XDH: variants seen among roughly 807,000 people sequenced by gnomAD.
The protein encoded by XDH is xanthine dehydrogenase.
Under a neutral mutation model 156.1 loss-of-function variants are expected in XDH, and 138 were observed. The observed-to-expected ratio is 0.88, with a 90% CI of 0.77 to 1.02. XDH has a LOEUF of 1.02. XDH is among the 50% of genes least tolerant of loss of function. The pLI, the probability that XDH is intolerant of heterozygous loss-of-function variation, is 0.00. For synonymous variants in XDH, 669 were observed against 625.7 expected (o/e 1.07, Z -1.03); for missense variants, 1,849 against 1,684.9 (o/e 1.10, Z -1.71).
intron 9 of XDH, chr2:31,384,318 C>T (rs949425359): frequency 5.5e-6 from 1 of 180,912 alleles, no homozygotes; most frequent in Non-Finnish European, 1.2e-5. Flanking sequence ...AGTTTCTTGC[C>T]CAAATCACAC....
At chr2:31,368,115 T>C (rs1380756649) in intron 19 of XDH, 58 bp from the exon 20 acceptor site, 11 of 1,492,988 alleles carry the variant, frequency 7.4e-6, no homozygotes, top group Non-Finnish European at 9.3e-6. Context: ...GAAAGATAGG[T>C]TCTGATTAGG....
chr2:31,363,503 C>G (rs896539928), intron 24 of XDH, among the ~76,000 whole-genome samples: 4 of 152,156 alleles, frequency 2.6e-5, no homozygotes, highest in African/African-American at 9.7e-5. Context: ...AGACATCATT[C>G]TGGGGTGATG....
At chr2:31,360,358 C>T (rs947839738) in intron 24 of XDH, among the ~76,000 whole-genome samples, 4 of 151,956 alleles carry the variant, frequency 2.6e-5, no homozygotes, top group Non-Finnish European at 4.4e-5. Flanking sequence ...ATTAGCTGGG[C>T]GTGGTGGGGC....
chr2:31,406,747 C>T (rs1217413385), intron 1 of XDH, among the ~76,000 whole-genome samples: 1 of 152,232 alleles, frequency 6.6e-6, no homozygotes, highest in Non-Finnish European at 1.5e-5. Context: ...GAGAGCATGG[C>T]ATGCAGATCT....
At chr2:31,349,973 C>A (rs533618495) in intron 25 of XDH, 59 bp downstream of exon 25, 3 of 1,611,976 alleles carry the variant, frequency 1.9e-6, no homozygotes, top group Non-Finnish European at 1.7e-6. Flanking sequence ...GATACAAAGC[C>A]GCTGTCCCCC....
intron 30 of XDH, among the ~76,000 whole-genome samples, chr2:31,345,234 C>T (rs1425467239): frequency 6.6e-6 from 1 of 152,154 alleles, no homozygotes; most frequent in Non-Finnish European, 1.5e-5. Flanking sequence ...TCCTTTTCTT[C>T]CCTCAACAAC....
chr2:31,352,583 TC>T (rs1685514768), intron 24 of XDH, among the ~76,000 whole-genome samples: 1 of 152,244 alleles, frequency 6.6e-6, no homozygotes, highest in East Asian at 1.9e-4. Context: ...AGAAACAATG[TC>T]ATAGCCTTCC....
In XDH at chr2:31,348,347, T is replaced by C. The variant is rs765013528; in HGVS notation, c.3068A>G (p.His1023Arg). ...CAGCACAGAGCCATCTGTGTACACATGAAGTAGGGCTCCTGCCTAGGGAAA... is the reference window on the plus strand; with the variant it reads ...CAGCACAGAGCCATCTGTGTACACACGAAGTAGGGCTCCTGCCTAGGGAAA... ...PFLNQAGALL[H>R]VYTDGSVLLT... Residue 1023 changes from histidine (H) to arginine (R), a missense_variant, in exon 28 of 36, where the codon CAT becomes CGT. Physicochemically the swap from His to Arg is conservative, Grantham distance 29. Coordinates refer to ENST00000379416, the MANE Select transcript of XDH (RefSeq NM_000379.4). 7 of 1,613,980 alleles carry C rather than the reference T, an allele frequency of 4.3e-6. No homozygotes were observed. The South Asian group carries it at 6.6e-5, about 15-fold the overall frequency.
intron 30 of XDH, 44 bp from the exon 31 acceptor site, chr2:31,344,780 C>T (rs2148752496): frequency 6.2e-7 from 1 of 1,607,296 alleles, no homozygotes; most frequent in Non-Finnish European, 8.5e-7. Flanking sequence ...GTGAGGTTTT[C>T]AGGAACCCTG....
At chr2:31,392,405 A>G (rs1275302493) in intron 6 of XDH, among the ~76,000 whole-genome samples, 1 of 149,484 alleles carries the variant, frequency 6.7e-6, no homozygotes, top group African/African-American at 2.5e-5. Context: ...TTTTATTTGT[A>G]TTTTATTTTT....
chr2:31,396,094 C>T (rs1047179063), intron 6 of XDH, among the ~76,000 whole-genome samples: 5 of 152,178 alleles, frequency 3.3e-5, no homozygotes, highest in African/African-American at 1.2e-4. Context: ...TCTGAAGAAA[C>T]ATCTCGGAGA....
rs756812244 is a variant in XDH, at chr2:31,368,698, G to A, written c.1981-38C>T. ...ACAGACTGTTAAAGAACGCAACCAG[G>A]CTCATGGTGAAACAAATTATTTTTG... On this transcript the variant is annotated intron_variant, in intron 18 of 35. Coordinates refer to ENST00000379416, the MANE Select transcript of XDH (RefSeq NM_000379.4). 6.2e-6 allele frequency: 10 copies of A among 1,614,146 alleles called. No homozygotes were observed. The Admixed American group carries it at 8.3e-5, about 13-fold the overall frequency.
chr2:31,349,656 A>C, intron 26 of XDH, 30 bp downstream of exon 26: 1 of 1,614,044 alleles, frequency 6.2e-7, no homozygotes, highest in East Asian at 2.2e-5. Flanking sequence ...AACCCAGAAG[A>C]GCAACTGGAC....
intron 31 of XDH, among the ~76,000 whole-genome samples, chr2:31,343,264 A>G (rs1289160579): frequency 5.3e-5 from 7 of 132,920 alleles, no homozygotes; most frequent in Admixed American, 1.5e-4. Context: ...CCTAGAAAGC[A>G]TTGGCAAAAC....
At chr2:31,406,200 C>T (rs1250248435) in intron 1 of XDH, among the ~76,000 whole-genome samples, 1 of 152,112 alleles carries the variant, frequency 6.6e-6, no homozygotes, top group Non-Finnish European at 1.5e-5. Context: ...GGCTTAGTGC[C>T]ATCCCCTTAG....
chr2:31,375,011 CTTTCTTTCTTTCTT>C (rs1686190734), intron 15 of XDH, among the ~76,000 whole-genome samples: 1 of 109,902 alleles, frequency 9.1e-6, no homozygotes, highest in Admixed American at 9.1e-5. Flanking sequence ...TTCTTTCTTT[CTTTCTTTCTTTCTT>C]TTTTTTTTTT....
Position 31,398,669 on chromosome 2 carries a change from A to C in XDH, c.337T>G (p.Cys113Gly). Residue 113 changes from cysteine to glycine, a missense_variant, in exon 5 of 36, where the codon TGC becomes GGC. Transcript: ENST00000379416. ...ERIAKSHGSQ[C>G]GFCTPGIVMS... ...ACGATGCCAGGGGTGCAGAACCCGC[A>C]CTGGGAGCCGTGGCTTTTGGCAATT... 1 of 1,614,076 alleles carries C rather than the reference A, an allele frequency of 6.2e-7. No individual in the cohort carries two copies. Among genetic ancestry groups the C allele is most frequent in the Non-Finnish European group, 8.5e-7 (1 of 1,179,964 alleles).
chr2:31,361,022 T>C (rs1218701194), intron 24 of XDH, among the ~76,000 whole-genome samples: 1 of 152,224 alleles, frequency 6.6e-6, no homozygotes, highest in Non-Finnish European at 1.5e-5. Context: ...TATCCATAAA[T>C]ATTCAGAGGT....
At position 31,349,657 on chromosome 2, in the gene XDH, G is replaced by C. The variant is rs542786733; in HGVS notation, c.2969+29C>G. 1.8e-3 allele frequency: 2,859 copies of C among 1,613,942 alleles called. 46 individuals are homozygous for C. The African/African-American group carries it at 0.034, about 19-fold the overall frequency. Reference sequence around the variant, plus strand: ...GCTGTAGGATATGAAACCCAGAAGAGCAACTGGACTTCTACTCCTAGTGCT... The same window carrying C: ...GCTGTAGGATATGAAACCCAGAAGACCAACTGGACTTCTACTCCTAGTGCT... On this transcript the variant is annotated intron_variant, in intron 26 of 35. Coordinates refer to ENST00000379416, the MANE Select transcript of XDH (RefSeq NM_000379.4).
Sources: allele counts gnomAD v4.1 joint callset (sites outside exome capture counted in the v4.1 genomes callset), GRCh38; gene constraint gnomAD v4.1.1; transcripts MANE v1.5; gene names NCBI Gene and HGNC (gene_info 2026-07-23, HGNC 2026-07-21).